Variants in THSD7B observed in about 807,000 individuals in gnomAD.
THSD7B encodes the protein thrombospondin type 1 domain containing 7B, also known as thrombospondin type-1 domain-containing protein 7B.
In THSD7B, 138 loss-of-function variants were observed where a neutral mutation model predicts 213.6. That is an observed-to-expected ratio of 0.65 (90% CI 0.56 to 0.74). The LOEUF is 0.74. Ranked by LOEUF, THSD7B falls within the 30% of genes least tolerant of loss-of-function variation. The probability of loss-of-function intolerance (pLI) is 0.00; values close to 1 mark genes in which losing one functional copy is unlikely to be tolerated. For synonymous variants in THSD7B, 742 were observed against 687.0 expected (o/e 1.08, Z -1.25); for missense variants, 1,931 against 1,991.5 (o/e 0.97, Z 0.58).
At chr2:137,384,825 G>A (rs1685856133) in intron 12 of THSD7B, among the ~76,000 whole-genome samples, 1 of 152,094 alleles carries the variant, frequency 6.6e-6, no homozygotes, top group South Asian at 2.1e-4. Context: ...TGATGGTGCT[G>A]GCTGGCAGGC....
rs145973918 is a variant in THSD7B, at chr2:137,674,144, C to T, written c.4740-2380C>T. ...TTATAGAGATATGACCACCTCTAGC[C>T]GTTCTCCTGGCTTTGCATTCTCAAC... On this transcript the variant is annotated intron_variant, in intron 27 of 27. Transcript: ENST00000409968. 3.5e-4 allele frequency among the ~76,000 whole-genome samples: 54 copies of T among 152,316 alleles called. 1 individual carries two copies. The East Asian group carries it at 9.7e-3, about 27-fold the overall frequency.
chr2:136,777,716 A>G (rs1267130684), intron 1 of THSD7B, among the ~76,000 whole-genome samples: 2 of 152,198 alleles, frequency 1.3e-5, no homozygotes, highest in Non-Finnish European at 2.9e-5. Flanking sequence ...AGTTTGACAT[A>G]TATGATACTT....
chr2:136,802,425 C>T (rs1235312649), intron 1 of THSD7B, among the ~76,000 whole-genome samples: 2 of 151,462 alleles, frequency 1.3e-5, no homozygotes, highest in Non-Finnish European at 2.9e-5. Context: ...ATAACATGAG[C>T]AATAAAGATA....
At chr2:137,301,158 G>A (rs975663435) in intron 12 of THSD7B, among the ~76,000 whole-genome samples, 8 of 152,010 alleles carry the variant, frequency 5.3e-5, no homozygotes, top group African/African-American at 1.4e-4. Context: ...CAGCTGGCCC[G>A]TTAATGTTCA....
chr2:137,094,923 C>G lies in THSD7B; in HGVS notation c.1001C>G (p.Pro334Arg), dbSNP rs1426859312. 1.9e-6 allele frequency: 3 copies of G among 1,613,674 alleles called. No individual in the cohort carries two copies. The highest frequency in any genetic ancestry group is 2.5e-6 in the Non-Finnish European group (3 of 1,179,824). Reference protein sequence around the residue: ...FPLTVQSCIMPKDCETSQWSS... With the variant: ...FPLTVQSCIMRKDCETSQWSS... The stretch of plus-strand genomic sequence containing the variant: ...TTGACTGTTCAGTCCTGCATCATGC[C>G]CAAAGACTGTGAAACCTCCCAGTGG... Residue 334 changes from proline to arginine, a missense_variant, in exon 4 of 28, where the codon CCC becomes CGC. Transcript: ENST00000409968.
chr2:137,239,781 C>A (rs1458604637), intron 9 of THSD7B, among the ~76,000 whole-genome samples: 1 of 152,130 alleles, frequency 6.6e-6, no homozygotes, highest in Non-Finnish European at 1.5e-5. Flanking sequence ...GCTGCTATAA[C>A]AAAAATAGCA....
chr2:137,165,896 C>T (rs1298966580), intron 6 of THSD7B, among the ~76,000 whole-genome samples: 1 of 152,000 alleles, frequency 6.6e-6, no homozygotes, highest in Non-Finnish European at 1.5e-5. Flanking sequence ...TTTTTCTCCT[C>T]TCTAGGCTTT....
intron 15 of THSD7B, among the ~76,000 whole-genome samples, chr2:137,513,390 A>T (rs1680006805): frequency 6.6e-6 from 1 of 152,186 alleles, no homozygotes; most frequent in Admixed American, 6.5e-5. Context: ...ATTTGGAGAG[A>T]GTAGAATTCA....
intron 10 of THSD7B, among the ~76,000 whole-genome samples, chr2:137,249,194 G>A (rs912657843): frequency 6.6e-6 from 1 of 151,802 alleles, no homozygotes; most frequent in Non-Finnish European, 1.5e-5. Flanking sequence ...ATTTCATAGG[G>A]GGAAAAAGTT....
Position 137,275,988 on chromosome 2 carries a change from G to A in THSD7B, c.2462G>A (p.Gly821Asp), listed in dbSNP as rs748412364. Residue 821 changes from glycine (G) to aspartate (D), a missense_variant, in exon 12 of 28, where the codon GGC becomes GAC. Transcript: ENST00000409968. ...GAGTCTGTCTGGCAGGGAATAACGG[G>A]CAGCAGTGAAGCCTGTGGAAAGGGG... ...VPESVWQGITGSSEACGKGLQ... is the reference protein window; with the variant it reads ...VPESVWQGITDSSEACGKGLQ... 1.2e-6 allele frequency: 2 copies of A among 1,612,112 alleles called. No homozygotes were observed. The highest frequency in any genetic ancestry group is 1.3e-5 in the African/African-American group (1 of 74,812).
rs568490401 is a variant in THSD7B at position 137,340,979 on chromosome 2, T to A, written c.2501-64634T>A. Among the ~76,000 whole-genome samples the A allele has an allele frequency of 3.7e-4, 39 of 106,712 alleles. No individual in the cohort carries two copies. In the South Asian group the frequency reaches 7.2e-3, roughly 20 times the overall value. The allele number at this position is 106,712 out of a possible 152,430, so 70.0% of individuals were successfully genotyped here. ...GCTGGATCATACTCTAATTCTCTTT[T>A]TGTTTTTTTTTTTTTTTTTTTGAGG... On this transcript the variant is annotated intron_variant, in intron 12 of 27. Transcript: ENST00000409968.
chr2:137,082,311 G>A (rs1182548885), intron 3 of THSD7B, among the ~76,000 whole-genome samples: 1 of 152,074 alleles, frequency 6.6e-6, no homozygotes, highest in Non-Finnish European at 1.5e-5. Context: ...GTATATGTGT[G>A]TGTGTTCATG....
chr2:137,577,695 C>T (rs1242208622), intron 17 of THSD7B, among the ~76,000 whole-genome samples: 1 of 152,132 alleles, frequency 6.6e-6, no homozygotes, highest in African/African-American at 2.4e-5. Flanking sequence ...GCATATCCCA[C>T]ATTTTATATT....
intron 1 of THSD7B, among the ~76,000 whole-genome samples, chr2:136,876,751 A>C (rs1426696090): frequency 6.6e-6 from 1 of 152,218 alleles, no homozygotes. Context: ...ATGCCAGCTT[A>C]CCTGGGAGCA....
chr2:137,436,189 A>G (rs2105046971), intron 14 of THSD7B, among the ~76,000 whole-genome samples: 1 of 152,184 alleles, frequency 6.6e-6, no homozygotes, highest in South Asian at 2.1e-4. Context: ...TTTAATTTAC[A>G]GTTATGATAT....
intron 4 of THSD7B, among the ~76,000 whole-genome samples, chr2:137,106,857 G>T (rs1452723102): frequency 6.6e-6 from 1 of 152,212 alleles, no homozygotes; most frequent in East Asian, 1.9e-4. Context: ...TCTCATACCA[G>T]TTAGAATGGT....
intron 26 of THSD7B, among the ~76,000 whole-genome samples, chr2:137,664,029 T>G (rs1683402166): frequency 6.6e-6 from 1 of 152,062 alleles, no homozygotes; most frequent in Non-Finnish European, 1.5e-5. Flanking sequence ...TTTTTTTGTA[T>G]TTTTAGTAGA....
chr2:136,855,768 G>A (rs893828381), intron 1 of THSD7B, among the ~76,000 whole-genome samples: 3 of 152,004 alleles, frequency 2.0e-5, no homozygotes, highest in Admixed American at 6.6e-5. Flanking sequence ...CATCACGCCC[G>A]GGCTTCCCTC....
chr2:137,488,621 T>C (rs1688528931), intron 15 of THSD7B, among the ~76,000 whole-genome samples: 1 of 152,242 alleles, frequency 6.6e-6, no homozygotes, highest in East Asian at 1.9e-4. Flanking sequence ...TGTCTTTCTC[T>C]TCCTTCCACG....
Sources: gnomAD v4.1 joint callset for allele counts (sites outside exome capture counted in the v4.1 genomes callset) on GRCh38, gnomAD v4.1.1 for gene constraint, MANE v1.5 for transcripts, NCBI Gene and HGNC (gene_info 2026-07-23, HGNC 2026-07-21) for gene names.